GUCY1A2: variants seen among roughly 807,000 people sequenced by gnomAD.
The protein encoded by GUCY1A2 is guanylate cyclase soluble subunit alpha-2.
In GUCY1A2, 27 loss-of-function variants were observed where a neutral mutation model predicts 63.5. The observed-to-expected ratio is 0.43, with a 90% CI of 0.31 to 0.59. GUCY1A2 has a LOEUF of 0.59. GUCY1A2 is among the 20% of genes least tolerant of loss of function. The probability of loss-of-function intolerance (pLI) is 0.11; values close to 1 mark genes in which losing one functional copy is unlikely to be tolerated. For missense variants in GUCY1A2, 768 were observed against 913.3 expected, an observed-to-expected ratio of 0.84 and a Z score of 2.05; for synonymous variants, 364 against 343.5, an observed-to-expected ratio of 1.06 and a Z score of -0.66.
At chr11:106,755,035 C>T (rs1206346989) in intron 6 of GUCY1A2, among the ~76,000 whole-genome samples, 3 of 152,032 alleles carry the variant, frequency 2.0e-5, no homozygotes, top group African/African-American at 7.2e-5. Context: ...GAAACTGTTA[C>T]TGGTCTGTTA....
chr11:106,922,615 T>G (rs2119908080), intron 4 of GUCY1A2, among the ~76,000 whole-genome samples: 1 of 142,374 alleles, frequency 7.0e-6, no homozygotes, highest in South Asian at 2.3e-4. Context: ...AAATTGTCCT[T>G]ATTATAATTA....
intron 5 of GUCY1A2, among the ~76,000 whole-genome samples, chr11:106,777,445 CAAAAAAAA>C (rs34353077): frequency 4.4e-5 from 4 of 91,404 alleles, no homozygotes; most frequent in African/African-American, 8.6e-5. Context: ...GACTTGGTCT[CAAAAAAAA>C]AAAAAAAAAA....
intron 4 of GUCY1A2, among the ~76,000 whole-genome samples, chr11:106,899,718 C>T (rs368142516): frequency 6.6e-6 from 1 of 152,254 alleles, no homozygotes; most frequent in East Asian, 1.9e-4. Flanking sequence ...GAAAAAGAAT[C>T]CTATGCCAAA....
chr11:106,897,053 C>G (rs1860060346), intron 4 of GUCY1A2, among the ~76,000 whole-genome samples: 1 of 152,070 alleles, frequency 6.6e-6, no homozygotes, highest in Non-Finnish European at 1.5e-5. Flanking sequence ...TTCTGTATAA[C>G]AGCACTGAAC....
At chr11:106,728,655 T>C (rs1439601635) in intron 6 of GUCY1A2, among the ~76,000 whole-genome samples, 1 of 152,208 alleles carries the variant, frequency 6.6e-6, no homozygotes, top group Admixed American at 6.5e-5. Context: ...ATATATTTAC[T>C]ATATATAACT....
intron 4 of GUCY1A2, among the ~76,000 whole-genome samples, chr11:106,905,478 C>A (rs1438444559): frequency 6.6e-6 from 1 of 152,098 alleles, no homozygotes; most frequent in Non-Finnish European, 1.5e-5. Flanking sequence ...ACCTTAATCA[C>A]TTCTTTAAAG....
At chr11:106,819,732 T>C (rs1858876713) in intron 4 of GUCY1A2, among the ~76,000 whole-genome samples, 1 of 152,148 alleles carries the variant, frequency 6.6e-6, no homozygotes, top group South Asian at 2.1e-4. Context: ...TTTGTTTTAT[T>C]GGAGTGGTTG....
intron 4 of GUCY1A2, among the ~76,000 whole-genome samples, chr11:106,866,786 G>C (rs1404663127): frequency 6.6e-6 from 1 of 151,900 alleles, no homozygotes; most frequent in Non-Finnish European, 1.5e-5. Flanking sequence ...CTGCTCCATG[G>C]AATAACACAG....
At chr11:106,997,927 G>A (rs900861540) in intron 1 of GUCY1A2, among the ~76,000 whole-genome samples, 1 of 152,060 alleles carries the variant, frequency 6.6e-6, no homozygotes, top group African/African-American at 2.4e-5. Flanking sequence ...GGGAAAGTAT[G>A]TATCCGCACA....
In GUCY1A2 at chr11:106,826,579, C is replaced by T. The variant is rs948664814; in HGVS notation, c.1207-16101G>A. 4 of 1,601,308 alleles carry T rather than the reference C, an allele frequency of 2.5e-6. No individual in the cohort carries two copies. The African/African-American group carries it at 5.4e-5, about 21-fold the overall frequency. ...GATGTATTCTTGTCCTTTGGTACAT[C>T]TCAGCATTAATTCATGATCTGAACC... is the stretch of plus-strand genomic sequence containing the variant. On this transcript the variant is annotated intron_variant, in intron 4 of 7. Transcript: ENST00000526355.
At chr11:106,885,084 C>A (rs1859880604) in intron 4 of GUCY1A2, among the ~76,000 whole-genome samples, 1 of 152,084 alleles carries the variant, frequency 6.6e-6, no homozygotes, top group Admixed American at 6.6e-5. Context: ...AAACTATGTC[C>A]TTTTGAGCAA....
chr11:106,971,461 G>A (rs1861193658), intron 3 of GUCY1A2, among the ~76,000 whole-genome samples: 1 of 152,018 alleles, frequency 6.6e-6, no homozygotes, highest in Non-Finnish European at 1.5e-5. Context: ...TGTTTCCCCT[G>A]GGAGTTTCTG....
intron 6 of GUCY1A2, among the ~76,000 whole-genome samples, chr11:106,720,286 C>T (rs1863293153): frequency 6.6e-6 from 1 of 152,048 alleles, no homozygotes; most frequent in Non-Finnish European, 1.5e-5. Context: ...ATAAAAAGTG[C>T]TTGTGAGGGG....
rs367767367 is a variant in GUCY1A2, at chr11:106,844,296, A to G, written c.1207-33818T>C. On this transcript the variant is annotated intron_variant, in intron 4 of 7. Coordinates refer to ENST00000526355, the MANE Select transcript of GUCY1A2 (RefSeq NM_000855.3). ...AAACTTGTGACTTTCTGAAAATATA[A>G]TACAGGAAAACATTTCTGAAGGGTT... 6.9e-4 allele frequency among the ~76,000 whole-genome samples: 105 copies of G among 151,990 alleles called. 7 individuals are homozygous for G. In the South Asian group the frequency reaches 0.021, roughly 31 times the overall value.
intron 4 of GUCY1A2, among the ~76,000 whole-genome samples, chr11:106,918,347 T>G (rs1860395957): frequency 6.9e-6 from 1 of 145,860 alleles, no homozygotes. Context: ...AACTGTCCAA[T>G]TTGCCTTCCC....
At chr11:106,809,903 A>T in intron 5 of GUCY1A2, 90 bp downstream of exon 5, 1 of 789,864 alleles carries the variant, frequency 1.3e-6, no homozygotes, top group Non-Finnish European at 2.0e-6. Flanking sequence ...TCAATTATTT[A>T]GTATCAAGTT....
At chr11:106,789,936 C>G (rs1415623109) in intron 5 of GUCY1A2, among the ~76,000 whole-genome samples, 3 of 151,948 alleles carry the variant, frequency 2.0e-5, no homozygotes, top group Non-Finnish European at 2.9e-5. Flanking sequence ...AACACTAGGA[C>G]AGTGCTGGGT....
chr11:106,835,182 T>C (rs1237759963), intron 4 of GUCY1A2, among the ~76,000 whole-genome samples: 1 of 151,796 alleles, frequency 6.6e-6, no homozygotes, highest in East Asian at 1.9e-4. Flanking sequence ...AAGTAAAGAA[T>C]GACATCACAA....
intron 6 of GUCY1A2, among the ~76,000 whole-genome samples, chr11:106,712,247 C>G (rs891698989): frequency 6.6e-6 from 1 of 151,988 alleles, no homozygotes; most frequent in Admixed American, 6.6e-5. Context: ...ATTGCTATGT[C>G]TTCAAATTTA....
Sources: gnomAD v4.1 joint callset for allele counts (sites outside exome capture counted in the v4.1 genomes callset) on GRCh38, gnomAD v4.1.1 for gene constraint, MANE v1.5 for transcripts, NCBI Gene and HGNC (gene_info 2026-07-23, HGNC 2026-07-21) for gene names.